Variants in ANKMY2 observed in about 807,000 individuals in gnomAD.
The protein encoded by ANKMY2 is ankyrin repeat and MYND domain-containing protein 2.
ANKMY2 carries 36 observed loss-of-function variants against 50.4 expected under a neutral mutation model. The ratio of observed to expected loss-of-function variants is 0.71; its 90% confidence interval spans 0.55 to 0.94. The LOEUF is 0.94. Among genes scored for constraint, ANKMY2 ranks in the 40% least tolerant of loss-of-function variants. The pLI is 0.00. For missense variants in ANKMY2, 565 were observed against 524.0 expected, an observed-to-expected ratio of 1.08 and a Z score of -0.76; for synonymous variants, 187 against 178.8, an observed-to-expected ratio of 1.05 and a Z score of -0.36.
At chr7:16,601,567 G>A (rs1011718353) in intron 9 of ANKMY2, among the ~76,000 whole-genome samples, 1 of 152,226 alleles carries the variant, frequency 6.6e-6, no homozygotes, top group Non-Finnish European at 1.5e-5. Context: ...ATTCTCTTAA[G>A]GATAAATGGT....
At chr7:16,603,684 CAG>C (rs1426579769) in intron 8 of ANKMY2, 1 of 471,150 alleles carries the variant, frequency 2.1e-6, no homozygotes, top group South Asian at 1.5e-5. Context: ...GACTTGACTT[CAG>C]ATTGGGCCAT....
Position 16,600,435 on chromosome 7 carries a change from C to G in ANKMY2, c.*326G>C, listed in dbSNP as rs1781025126. 1 of 175,938 alleles carries G rather than the reference C, an allele frequency of 5.7e-6. No individual in the cohort carries two copies. The highest frequency in any genetic ancestry group is 2.4e-5 in the African/African-American group (1 of 42,412). 10.9% of individuals were successfully genotyped at this position (175,938 alleles called of 1,614,324 possible). A position where few individuals can be genotyped will look rare whatever the true frequency, so the allele number is the denominator to read the frequency against. On this transcript the variant is annotated 3_prime_UTR_variant, in exon 10 of 10. Coordinates refer to ENST00000306999, the MANE Select transcript of ANKMY2 (RefSeq NM_020319.3). Reference sequence around the variant, plus strand: ...CCTGTTCTGCTTGTCCCTTTGTTCCCTAAAGCCTGTATTTTTTCTTTAAGG... The same window carrying G: ...CCTGTTCTGCTTGTCCCTTTGTTCCGTAAAGCCTGTATTTTTTCTTTAAGG...
intron 3 of ANKMY2, among the ~76,000 whole-genome samples, chr7:16,626,570 A>T (rs1047640068): frequency 1.2e-4 from 19 of 152,198 alleles, no homozygotes; most frequent in Non-Finnish European, 2.5e-4. Context: ...TGTAGACAGT[A>T]TTTCTAAATT....
intron 5 of ANKMY2, among the ~76,000 whole-genome samples, chr7:16,615,393 G>A (rs754354380): frequency 6.6e-6 from 1 of 152,106 alleles, no homozygotes; most frequent in Admixed American, 6.5e-5. Context: ...TTTCCCTCTG[G>A]AGACAGGCCC....
chr7:16,619,623 G>C (rs1239703448), intron 4 of ANKMY2, among the ~76,000 whole-genome samples: 6 of 151,436 alleles, frequency 4.0e-5, no homozygotes, highest in African/African-American at 9.7e-5. Context: ...TAATCATTTA[G>C]GTTTAAATGT....
At chr7:16,605,446 T>G (rs564073230) in intron 7 of ANKMY2, among the ~76,000 whole-genome samples, 1 of 152,262 alleles carries the variant, frequency 6.6e-6, no homozygotes, top group East Asian at 1.9e-4. Context: ...TGTGTGAAAC[T>G]TACTACTAGT....
chr7:16,622,649 A>G (rs10257065), intron 4 of ANKMY2, among the ~76,000 whole-genome samples: 1 of 152,078 alleles, frequency 6.6e-6, no homozygotes, highest in Non-Finnish European at 1.5e-5. Flanking sequence ...CTGAGGCAGG[A>G]GAATCACTTG....
chr7:16,642,549 T>C (rs879941971), intron 1 of ANKMY2, among the ~76,000 whole-genome samples: 3 of 152,142 alleles, frequency 2.0e-5, no homozygotes, highest in Non-Finnish European at 1.5e-5. Context: ...TTATTTCAGA[T>C]TGACCAAGAT....
At chr7:16,637,642 G>C (rs894381139) in intron 1 of ANKMY2, among the ~76,000 whole-genome samples, 18 of 152,200 alleles carry the variant, frequency 1.2e-4, no homozygotes, top group African/African-American at 4.1e-4. Flanking sequence ...GCTCTTGTGT[G>C]TGTGAGCATG....
At chr7:16,644,002 G>T (rs889301467) in intron 1 of ANKMY2, among the ~76,000 whole-genome samples, 5 of 151,718 alleles carry the variant, frequency 3.3e-5, no homozygotes, top group Admixed American at 2.6e-4. Flanking sequence ...TCAAACAAAC[G>T]AGAGAGAGAG....
intron 9 of ANKMY2, among the ~76,000 whole-genome samples, chr7:16,601,568 G>A (rs1208851138): frequency 6.6e-6 from 1 of 152,216 alleles, no homozygotes; most frequent in East Asian, 1.9e-4. Context: ...TTCTCTTAAG[G>A]ATAAATGGTT....
chr7:16,626,842 C>A (rs1043338723), intron 3 of ANKMY2, among the ~76,000 whole-genome samples, 198 bp downstream of exon 3: 45 of 152,138 alleles, frequency 3.0e-4, no homozygotes, highest in Admixed American at 3.9e-4. Flanking sequence ...ATCTAAATAA[C>A]AAAAGAAACA....
In ANKMY2 at chr7:16,645,650, C is replaced by T. The variant is rs1288575885; in HGVS notation, c.-77G>A. 3 of 1,501,330 alleles carry T rather than the reference C, an allele frequency of 2.0e-6. No individual in the cohort carries two copies. The highest frequency in any genetic ancestry group is 1.4e-5 in the African/African-American group (1 of 69,736). 93.0% of individuals were successfully genotyped at this position (1,501,330 alleles called of 1,614,324 possible). On this transcript the variant is annotated 5_prime_UTR_variant, in exon 1 of 10. Transcript: ENST00000306999. ...AAACGATGCGTCTGTATTGGGAACG[C>T]CAGCCGCAATGAGGCAACTTGAGAC...
chr7:16,602,176 T>C (rs1163486201), intron 9 of ANKMY2, among the ~76,000 whole-genome samples: 1 of 152,220 alleles, frequency 6.6e-6, no homozygotes, highest in Non-Finnish European at 1.5e-5. Flanking sequence ...CAGAATTTGA[T>C]GTCTCTGTTT....
chr7:16,642,843 T>C (rs1464682032), intron 1 of ANKMY2, among the ~76,000 whole-genome samples: 1 of 152,206 alleles, frequency 6.6e-6, no homozygotes, highest in African/African-American at 2.4e-5. Flanking sequence ...TAGAACTAAA[T>C]GACCTCTCAA....
rs1338109020 is a variant in ANKMY2 at position 16,607,420 on chromosome 7, T to C, written c.882+2210A>G. ...GTCTTTACTAAAAATGCAGAAACAT[T>C]AGTCGGGCATGGTGGTGTGTGCCTG... On this transcript the variant is annotated intron_variant, in intron 7 of 9. Transcript: ENST00000306999. 2.6e-5 allele frequency among the ~76,000 whole-genome samples: 4 copies of C among 151,828 alleles called. No individual in the cohort carries two copies. The South Asian group carries it at 6.3e-4, about 24-fold the overall frequency.
chr7:16,612,481 G>A (rs1477979897), intron 5 of ANKMY2, among the ~76,000 whole-genome samples: 1 of 152,080 alleles, frequency 6.6e-6, no homozygotes, highest in Non-Finnish European at 1.5e-5. Context: ...ACAATTTATG[G>A]TGGAGAAGAA....
At chr7:16,606,123 C>CT (rs1781156963) in intron 7 of ANKMY2, among the ~76,000 whole-genome samples, 1 of 148,770 alleles carries the variant, frequency 6.7e-6, no homozygotes, top group African/African-American at 2.5e-5. Flanking sequence ...GGCCTATAAA[C>CT]TTTTTTTACA....
At chr7:16,605,647 G>A (rs919148832) in intron 7 of ANKMY2, among the ~76,000 whole-genome samples, 6 of 146,112 alleles carry the variant, frequency 4.1e-5, no homozygotes, top group South Asian at 2.2e-4. Context: ...GCAGGCGCCC[G>A]CCACTACGCC....
Sources: gnomAD v4.1 joint callset for allele counts (sites outside exome capture counted in the v4.1 genomes callset) on GRCh38, gnomAD v4.1.1 for gene constraint, MANE v1.5 for transcripts, NCBI Gene and HGNC (gene_info 2026-07-23, HGNC 2026-07-21) for gene names.